The following DLGAP1 variants were observed in gnomAD, a reference collection of about 807,000 sequenced individuals.
DLGAP1 encodes DLG associated protein 1.
In DLGAP1, 11 loss-of-function variants were observed where a neutral mutation model predicts 90.8. The ratio of observed to expected loss-of-function variants is 0.12; its 90% CI spans 0.08 to 0.20. DLGAP1 has a LOEUF of 0.20. DLGAP1 is among the 10% of genes least tolerant of loss of function. The pLI is 1.00. For synonymous variants in DLGAP1, 558 were observed against 540.7 expected (o/e 1.03, Z -0.44); for missense variants, 1,050 against 1,333.8 (o/e 0.79, Z 3.31).
chr18:3,855,758 C>T (rs919393976), intron 4 of DLGAP1, among the ~76,000 whole-genome samples: 4 of 152,192 alleles, frequency 2.6e-5, no homozygotes, highest in South Asian at 2.1e-4. Flanking sequence ...GGACTACAGA[C>T]GCGTGCCACC....
chr18:3,551,397 C>G (rs1367503763), intron 9 of DLGAP1, among the ~76,000 whole-genome samples: 2 of 151,592 alleles, frequency 1.3e-5, no homozygotes, highest in Non-Finnish European at 2.9e-5. Context: ...TACAGGTGCC[C>G]ACCATCATGA....
At chr18:3,938,695 C>A (rs781658748) in intron 3 of DLGAP1, among the ~76,000 whole-genome samples, 1 of 152,126 alleles carries the variant, frequency 6.6e-6, no homozygotes, top group South Asian at 2.1e-4. Context: ...GCATTGGAAG[C>A]AAGGAGAAGT....
intron 2 of DLGAP1, among the ~76,000 whole-genome samples, chr18:4,043,866 ATG>A (rs931647796): frequency 2.0e-5 from 3 of 152,206 alleles, no homozygotes; most frequent in African/African-American, 7.2e-5. Flanking sequence ...TGGTGTTGAG[ATG>A]CTATCATTTT....
At chr18:3,505,679 G>A (rs952758016) in intron 11 of DLGAP1, among the ~76,000 whole-genome samples, 4 of 147,460 alleles carry the variant, frequency 2.7e-5, no homozygotes, top group African/African-American at 7.5e-5. Context: ...AACTCCATGT[G>A]TTCTTTTTGA....
At chr18:3,663,521 G>C (rs1398784947) in intron 7 of DLGAP1, among the ~76,000 whole-genome samples, 1 of 152,166 alleles carries the variant, frequency 6.6e-6, no homozygotes, top group African/African-American at 2.4e-5. Context: ...TGAAGGAAAA[G>C]ATGCTCTGCC....
intron 4 of DLGAP1, chr18:3,874,336 C>G: frequency 3.3e-6 from 5 of 1,515,226 alleles, no homozygotes; most frequent in Non-Finnish European, 3.5e-6. Context: ...GCGGAGAGAG[C>G]GTTTTGTTTC....
intron 1 of DLGAP1, among the ~76,000 whole-genome samples, chr18:4,394,869 G>T (rs935131884): frequency 2.6e-5 from 4 of 152,080 alleles, no homozygotes; most frequent in Non-Finnish European, 5.9e-5. Flanking sequence ...TGAAAATAAG[G>T]CATGCTCAGC....
At chr18:3,600,883 TAGATATATAGATATATATAG>T (rs1568278971) in intron 7 of DLGAP1, among the ~76,000 whole-genome samples, 2 of 24,062 alleles carry the variant, frequency 8.3e-5, no homozygotes, top group African/African-American at 2.9e-4. Context: ...GATATATAGA[TAGATATATAGATATATATAG>T]ATATATAGAT....
intron 3 of DLGAP1, among the ~76,000 whole-genome samples, chr18:3,889,213 G>A (rs766466865): frequency 7.2e-5 from 11 of 152,126 alleles, no homozygotes; most frequent in African/African-American, 2.4e-4. Context: ...AAAGACAGCC[G>A]TGATGGAAGA....
At chr18:3,529,318 C>A (rs760980293) in intron 10 of DLGAP1, among the ~76,000 whole-genome samples, 5 of 152,138 alleles carry the variant, frequency 3.3e-5, no homozygotes, top group Admixed American at 1.3e-4. Context: ...CAGAGAGCAG[C>A]CCTTGCCAGA....
chr18:4,173,444 G>C (rs1465282514), intron 1 of DLGAP1, among the ~76,000 whole-genome samples: 1 of 152,144 alleles, frequency 6.6e-6, no homozygotes, highest in Non-Finnish European at 1.5e-5. Context: ...ACCATACAAT[G>C]CCTCTCTCCT....
intron 4 of DLGAP1, among the ~76,000 whole-genome samples, chr18:3,855,672 G>A (rs1161022250): frequency 2.6e-5 from 4 of 152,068 alleles, no homozygotes; most frequent in African/African-American, 7.2e-5. Context: ...GGAGTGTAAT[G>A]GCATGGTCTC....
At chr18:3,528,650 T>C (rs552626602) in intron 10 of DLGAP1, among the ~76,000 whole-genome samples, 1 of 152,334 alleles carries the variant, frequency 6.6e-6, no homozygotes, top group East Asian at 1.9e-4. Flanking sequence ...TCAGGGGTAT[T>C]GTGAGGGCAA....
At chr18:4,366,990 G>A (rs1306602805) in intron 1 of DLGAP1, among the ~76,000 whole-genome samples, 3 of 109,294 alleles carry the variant, frequency 2.7e-5, no homozygotes, top group East Asian at 2.9e-4. Flanking sequence ...TCCAGTATAC[G>A]GCTCTGTCAA....
intron 1 of DLGAP1, among the ~76,000 whole-genome samples, chr18:4,419,139 T>C (rs572405493): frequency 1.3e-5 from 2 of 152,322 alleles, no homozygotes; most frequent in South Asian, 2.1e-4. Flanking sequence ...TCTGTTTTCA[T>C]GCTGTTTATA....
At chr18:3,615,504 A>T (rs2145951612) in intron 7 of DLGAP1, among the ~76,000 whole-genome samples, 1 of 152,296 alleles carries the variant, frequency 6.6e-6, no homozygotes, top group South Asian at 2.1e-4. Flanking sequence ...TTGGCCTTGG[A>T]CACGCCCAGG....
At chr18:3,952,035 A>G (rs2072996246) in intron 3 of DLGAP1, among the ~76,000 whole-genome samples, 1 of 152,238 alleles carries the variant, frequency 6.6e-6, no homozygotes, top group Non-Finnish European at 1.5e-5. Flanking sequence ...TTTTATGGAA[A>G]ACACAGGATG....
chr18:4,217,295 G>T (rs2077978100), intron 1 of DLGAP1, among the ~76,000 whole-genome samples: 1 of 151,970 alleles, frequency 6.6e-6, no homozygotes, highest in Non-Finnish European at 1.5e-5. Flanking sequence ...AGGATATCTT[G>T]GTTGTTTCTA....
chr18:3,807,404 C>T (rs981711912), intron 5 of DLGAP1, among the ~76,000 whole-genome samples: 1 of 152,142 alleles, frequency 6.6e-6, no homozygotes, highest in Non-Finnish European at 1.5e-5. Context: ...TTAGCTCTGA[C>T]ATTTGATTGA....
Sources: gnomAD v4.1 joint callset for allele counts (sites outside exome capture counted in the v4.1 genomes callset) on GRCh38, gnomAD v4.1.1 for gene constraint, MANE v1.5 for transcripts, NCBI Gene and HGNC (gene_info 2026-07-23, HGNC 2026-07-21) for gene names.